Variants in MBTPS2 observed in about 807,000 individuals in gnomAD.
MBTPS2 encodes membrane bound transcription factor peptidase, site 2, also known as membrane-bound transcription factor site-2 protease.
Under a neutral mutation model 35.4 loss-of-function variants are expected in MBTPS2, and 2 were observed. The ratio of observed to expected loss-of-function variants is 0.06; its 90% CI spans 0.02 to 0.18. MBTPS2 has a LOEUF of 0.18. Among genes scored for constraint, MBTPS2 ranks in the 10% least tolerant of loss-of-function variants. The pLI is 1.00. For synonymous variants in MBTPS2, 125 were observed against 140.4 expected (o/e 0.89, Z 0.77); for missense variants, 244 against 386.5 (o/e 0.63, Z 3.09).
chrX:21,855,050 T>C (rs1235186464), intron 5 of MBTPS2, among the ~76,000 whole-genome samples: 1 of 111,676 alleles, frequency 9.0e-6, no homozygotes, highest in Admixed American at 9.5e-5. Context: ...AATAGATTAG[T>C]TGAGTATTAA....
At chrX:21,870,558 C>G (rs756013039) in intron 7 of MBTPS2, 7 of 112,200 alleles carry the variant, frequency 6.2e-5, no homozygotes, top group Non-Finnish European at 1.3e-4. Flanking sequence ...AAAACCCCAT[C>G]TGGGATTTAG....
chrX:21,877,906 C>A (rs1352155174), intron 7 of MBTPS2, 136 bp from the exon 8 acceptor site: 1 of 465,590 alleles, frequency 2.1e-6, no homozygotes, highest in Admixed American at 3.6e-5. Flanking sequence ...AAGTAGCCCT[C>A]AAGCTGAACT....
rs41309593 is a variant in MBTPS2, at chrX:21,884,274, G to A, written c.*1619G>A. The A allele has an allele frequency of 2.7e-6, 2 of 742,580 alleles. No homozygotes were observed. The highest frequency in any genetic ancestry group is 3.2e-6 in the Non-Finnish European group (2 of 629,694). 61.2% of individuals were successfully genotyped at this position (742,580 alleles called of 1,213,427 possible). ...ACAGTATTTGTTCTATTTTTAGGTAGACAATCATTTGGGATCAGAGTACAT... is the reference window on the plus strand; with the variant it reads ...ACAGTATTTGTTCTATTTTTAGGTAAACAATCATTTGGGATCAGAGTACAT... On this transcript the variant is annotated 3_prime_UTR_variant, in exon 11 of 11. Transcript: ENST00000379484.
At chrX:21,864,884 T>TG (rs1713146466) in intron 5 of MBTPS2, among the ~76,000 whole-genome samples, 1 of 100,778 alleles carries the variant, frequency 9.9e-6, no homozygotes. Context: ...TTCTTTCTTT[T>TG]TTTTTTTTTT....
intron 5 of MBTPS2, among the ~76,000 whole-genome samples, chrX:21,862,939 T>TATATATATATATATAAAC (rs2092934312): frequency 6.1e-5 from 2 of 32,649 alleles, no homozygotes; most frequent in Admixed American, 3.5e-4. Context: ...TAAACATATA[T>TATATATATATATATAAAC]ATATATATAT....
rs1047615799 is a variant in MBTPS2 at position 21,856,503 on chromosome X, T to C, written c.670+3000T>C. On this transcript the variant is annotated intron_variant, in intron 5 of 10. Transcript: ENST00000379484. ...CTCAGCCATGGCCTCCAACGAAGAT[T>C]TCTCCATCACACAAGACCTGGAGAT... 5.0e-6 allele frequency: 6 copies of C among 1,206,394 alleles called. No homozygotes were observed. In the African/African-American group the frequency reaches 1.1e-4, roughly 21 times the overall value.
Position 21,848,923 on chromosome X carries a change from CAT to C in MBTPS2, c.439-2585_439-2584del, listed in dbSNP as rs745768650. Among the ~76,000 whole-genome samples the C allele has an allele frequency of 6.3e-5, 7 of 111,997 alleles. No homozygotes were observed. The East Asian group carries it at 2.0e-3, about 31-fold the overall frequency. On this transcript the variant is annotated intron_variant, in intron 3 of 10. Transcript: ENST00000379484. The stretch of plus-strand genomic sequence containing the variant: ...ATAAAAGGCCTTGAAAGAAAAGACC[CAT>C]GTTATCATTTTTATGAGCACAGAAT...
At chrX:21,878,713 C>T in intron 9 of MBTPS2, 21 bp downstream of exon 9, 1 of 1,091,951 alleles carries the variant, frequency 9.2e-7, no homozygotes, top group South Asian at 1.8e-5. Flanking sequence ...TTGTGGTAGA[C>T]CCTTAGAAAA....
chrX:21,851,472 C>A (rs752088758), intron 3 of MBTPS2, 37 bp from the exon 4 acceptor site: 4 of 895,318 alleles, frequency 4.5e-6, no homozygotes, highest in Non-Finnish European at 6.6e-6. Context: ...CCCTGCACCC[C>A]CACTGATAAT....
At chrX:21,869,728 C>T in intron 7 of MBTPS2, 50 bp downstream of exon 7, 1 of 930,117 alleles carries the variant, frequency 1.1e-6, no homozygotes, top group Non-Finnish European at 1.6e-6. Flanking sequence ...CCAGTACCTG[C>T]CATTCACTAA....
At chrX:21,857,088 G>A in intron 5 of MBTPS2, 1 of 1,211,876 alleles carries the variant, frequency 8.3e-7, no homozygotes. Context: ...AGTGGGTGAA[G>A]GCCAGGCTGA....
chrX:21,854,297 G>C (rs1157287152), intron 5 of MBTPS2, among the ~76,000 whole-genome samples: 7 of 111,480 alleles, frequency 6.3e-5, no homozygotes, highest in African/African-American at 2.3e-4. Context: ...ACAGACCAAA[G>C]AAAACAGACC....
intron 5 of MBTPS2, among the ~76,000 whole-genome samples, chrX:21,855,637 G>A (rs1238576496): frequency 1.8e-5 from 2 of 110,665 alleles, no homozygotes; most frequent in African/African-American, 6.6e-5. Context: ...TTGCCATGTT[G>A]GCTAGGCTGG....
At chrX:21,843,897 T>C (rs1229858757) in intron 2 of MBTPS2, among the ~76,000 whole-genome samples, 3 of 110,007 alleles carry the variant, frequency 2.7e-5, no homozygotes, top group African/African-American at 9.9e-5. Flanking sequence ...GGTGGATTGC[T>C]TGAGGCCAGG....
At chrX:21,849,013 ATTTT>A (rs1274802363) in intron 3 of MBTPS2, among the ~76,000 whole-genome samples, 1 of 111,892 alleles carries the variant, frequency 8.9e-6, no homozygotes, top group African/African-American at 3.2e-5. Context: ...TAACACCTTT[ATTTT>A]TTATTTTTTA....
At chrX:21,869,363 G>A (rs2092944331) in intron 6 of MBTPS2, 135 bp from the exon 7 acceptor site, 6 of 542,869 alleles carry the variant, frequency 1.1e-5, no homozygotes, top group Non-Finnish European at 1.3e-5. Context: ...CTAGGACTAT[G>A]TCTTGAATTC....
intron 3 of MBTPS2, among the ~76,000 whole-genome samples, chrX:21,846,463 C>T (rs1038619905): frequency 8.9e-5 from 10 of 112,163 alleles, no homozygotes; most frequent in Admixed American, 4.7e-4. Context: ...CTCCGCCTCG[C>T]GGGTTCGAGC....
intron 5 of MBTPS2, among the ~76,000 whole-genome samples, 176 bp downstream of exon 5, chrX:21,853,679 T>C (rs959898730): frequency 9.0e-6 from 1 of 111,700 alleles, no homozygotes; most frequent in African/African-American, 3.3e-5. Context: ...TTCCAGTTGC[T>C]TCCTTAAAAC....
At position 21,860,060 on chromosome X, in the gene MBTPS2, C is replaced by G. The variant is rs765555735; in HGVS notation, c.670+6557C>G. Among the ~76,000 whole-genome samples the G allele has an allele frequency of 4.3e-3, 459 of 106,605 alleles. 2 individuals carry two copies. The highest frequency in any genetic ancestry group is 0.015 in the African/African-American group (439 of 28,947). 92.6% of individuals were successfully genotyped at this position (106,605 alleles called of 115,157 possible). ...TGAGCCGTGATCGAGCCACTGCACT[C>G]CAGCCTAGGTGACAGAGTAAGACCT... On this transcript the variant is annotated intron_variant, in intron 5 of 10. Transcript: ENST00000379484.
Sources: gnomAD v4.1 joint callset for allele counts (sites outside exome capture counted in the v4.1 genomes callset) on GRCh38, gnomAD v4.1.1 for gene constraint, MANE v1.5 for transcripts, NCBI Gene and HGNC (gene_info 2026-07-23, HGNC 2026-07-21) for gene names.